CPQ: variants seen among roughly 807,000 people sequenced by gnomAD.
CPQ encodes Ser-Met dipeptidase.
CPQ carries 37 observed loss-of-function variants against 45.7 expected under a neutral mutation model. That is an observed-to-expected ratio of 0.81 (90% CI 0.62 to 1.07). CPQ has a LOEUF of 1.07. Among genes scored for constraint, CPQ ranks in the 50% least tolerant of loss-of-function variants. The pLI, the probability that CPQ is intolerant of heterozygous loss-of-function variation, is 0.00. For synonymous variants in CPQ, 186 were observed against 205.8 expected (o/e 0.90, Z 0.82); for missense variants, 537 against 572.9 (o/e 0.94, Z 0.64).
intron 2 of CPQ, among the ~76,000 whole-genome samples, chr8:96,826,281 A>G (rs188615764): frequency 7.9e-5 from 12 of 152,146 alleles, no homozygotes; most frequent in South Asian, 2.1e-4. Flanking sequence ...TCACTGAACA[A>G]TCTTCCCTAA....
chr8:96,691,891 C>T (rs112999852), intron 1 of CPQ, among the ~76,000 whole-genome samples: 3,692 of 152,116 alleles, frequency 0.024, 165 homozygotes, highest in African/African-American at 0.084. Context: ...CTTATTACTC[C>T]AAAATATGTC....
At chr8:97,011,934 C>T (rs1342007103) in intron 5 of CPQ, among the ~76,000 whole-genome samples, 1 of 152,146 alleles carries the variant, frequency 6.6e-6, no homozygotes, top group South Asian at 2.1e-4. Flanking sequence ...TCTCTTGGAC[C>T]CAGTGTGCGC....
Position 96,823,572 on chromosome 8 carries a change from A to G in CPQ, c.434-11401A>G, listed in dbSNP as rs868130451. ...ATCTGTAGCGTTATTTTATTTTACT[A>G]TACTTTCTTCCTTTCTTTCTTTACC... On this transcript the variant is annotated intron_variant, in intron 2 of 7. Transcript: ENST00000220763. 5.5e-4 allele frequency among the ~76,000 whole-genome samples: 84 copies of G among 151,942 alleles called. 1 individual carries two copies. Among genetic ancestry groups the G allele is most frequent in the African/African-American group, 2.0e-3 (81 of 41,408 alleles).
intron 4 of CPQ, among the ~76,000 whole-genome samples, chr8:96,951,335 C>G (rs1415983954): frequency 6.6e-6 from 1 of 152,086 alleles, no homozygotes; most frequent in Non-Finnish European, 1.5e-5. Flanking sequence ...TGGATATTCT[C>G]CCTGTGTTCA....
At chr8:96,978,106 A>G (rs553916665) in intron 5 of CPQ, among the ~76,000 whole-genome samples, 1 of 151,532 alleles carries the variant, frequency 6.6e-6, no homozygotes, top group African/African-American at 2.4e-5. Flanking sequence ...TTTTATTCTG[A>G]TATGTTATTT....
At chr8:96,696,065 G>A (rs1809376335) in intron 1 of CPQ, among the ~76,000 whole-genome samples, 1 of 151,650 alleles carries the variant, frequency 6.6e-6, no homozygotes, top group South Asian at 2.1e-4. Flanking sequence ...TGATAGACTG[G>A]ATTAAGAAAA....
Position 97,099,214 on chromosome 8 carries a change from T to A in CPQ, c.1255+33004T>A, listed in dbSNP as rs578148476. ...GGCACGATCTCAGCTCACTGCAACA[T>A]CCACCTCCCAGATTCAAGGGATCCT... is the stretch of plus-strand genomic sequence containing the variant. On this transcript the variant is annotated intron_variant, in intron 7 of 7. Transcript: ENST00000220763. Among the ~76,000 whole-genome samples the A allele has an allele frequency of 3.0e-5, 4 of 132,440 alleles. No homozygotes were observed. In the East Asian group the frequency reaches 1.0e-3, roughly 35 times the overall value. 86.9% of individuals were successfully genotyped at this position (132,440 alleles called of 152,430 possible).
intron 4 of CPQ, among the ~76,000 whole-genome samples, chr8:96,963,663 A>G (rs971982833): frequency 1.3e-5 from 2 of 152,202 alleles, no homozygotes; most frequent in African/African-American, 4.8e-5. Flanking sequence ...ATCAATCTGT[A>G]AAACTTCTAA....
At chr8:97,001,721 CTTTTTTTTTTTTT>C (rs61282246) in intron 5 of CPQ, among the ~76,000 whole-genome samples, 2 of 92,092 alleles carry the variant, frequency 2.2e-5, no homozygotes, top group African/African-American at 4.3e-5. Flanking sequence ...TTCTTTCTTT[CTTTTTTTTTTTTT>C]TTTTTTTTTT....
At chr8:97,050,679 C>T (rs2513337) in intron 6 of CPQ, among the ~76,000 whole-genome samples, 86,147 of 151,908 alleles carry the variant, frequency 0.57, 26,664 homozygotes, top group Non-Finnish European at 0.7. Flanking sequence ...GCCTGAGCAA[C>T]GTAGCAAGAC....
intron 1 of CPQ, among the ~76,000 whole-genome samples, chr8:96,653,692 G>T (rs1183909923): frequency 1.3e-5 from 2 of 152,032 alleles, no homozygotes; most frequent in African/African-American, 4.8e-5. Flanking sequence ...AAATCCTAAG[G>T]GAGAGAAAAT....
intron 6 of CPQ, among the ~76,000 whole-genome samples, chr8:97,062,593 T>A (rs537570962): frequency 6.6e-6 from 1 of 152,096 alleles, no homozygotes; most frequent in Non-Finnish European, 1.5e-5. Context: ...CTAGTACCCA[T>A]TAGTTATTTT....
chr8:96,770,423 T>G (rs1288924946), intron 1 of CPQ, among the ~76,000 whole-genome samples: 1 of 152,180 alleles, frequency 6.6e-6, no homozygotes, highest in Non-Finnish European at 1.5e-5. Context: ...TTTTCTTTCT[T>G]CAAGACTCCT....
At chr8:96,996,795 G>A (rs1809186052) in intron 5 of CPQ, among the ~76,000 whole-genome samples, 1 of 151,850 alleles carries the variant, frequency 6.6e-6, no homozygotes, top group African/African-American at 2.4e-5. Flanking sequence ...ATAACACTGG[G>A]GGAGGTTTAC....
At chr8:96,699,564 A>G in intron 1 of CPQ, among the ~76,000 whole-genome samples, 1 of 152,130 alleles carries the variant, frequency 6.6e-6, no homozygotes, top group Non-Finnish European at 1.5e-5. Context: ...GATTATACAC[A>G]TTGTATGCCT....
intron 1 of CPQ, among the ~76,000 whole-genome samples, chr8:96,672,027 C>T (rs1225035970): frequency 1.3e-5 from 2 of 152,068 alleles, no homozygotes; most frequent in African/African-American, 4.8e-5. Flanking sequence ...AGTATTTCTC[C>T]TTTGATAGAA....
At chr8:96,861,555 A>T (rs1811926328) in intron 3 of CPQ, among the ~76,000 whole-genome samples, 1 of 152,128 alleles carries the variant, frequency 6.6e-6, no homozygotes, top group Non-Finnish European at 1.5e-5. Flanking sequence ...TCACATTCTC[A>T]CTTCCCTTTG....
chr8:96,712,188 G>A (rs989518729), intron 1 of CPQ, among the ~76,000 whole-genome samples: 1 of 152,150 alleles, frequency 6.6e-6, no homozygotes, highest in Admixed American at 6.5e-5. Context: ...ATGGTCTTGG[G>A]CATCTCCACC....
At chr8:96,953,629 G>A (rs1268316343) in intron 4 of CPQ, among the ~76,000 whole-genome samples, 2 of 152,078 alleles carry the variant, frequency 1.3e-5, no homozygotes, top group Non-Finnish European at 2.9e-5. Context: ...AAACAAAAGG[G>A]AGTAAAAAAG....
Sources: gnomAD v4.1 joint callset for allele counts (sites outside exome capture counted in the v4.1 genomes callset) on GRCh38, gnomAD v4.1.1 for gene constraint, MANE v1.5 for transcripts, NCBI Gene and HGNC (gene_info 2026-07-23, HGNC 2026-07-21) for gene names.